The following LPGAT1 variants were observed in gnomAD, a reference collection of about 807,000 sequenced individuals.
The protein encoded by LPGAT1 is acyl-CoA:lysophosphatidylglycerol acyltransferase 1.
Under a neutral mutation model 47.5 loss-of-function variants are expected in LPGAT1, and 11 were observed. That is an observed-to-expected ratio of 0.23 (90% CI 0.15 to 0.38). The LOEUF (loss-of-function observed/expected upper bound fraction) is 0.38, where lower values mean the gene tolerates loss of function less well. Among genes scored for constraint, LPGAT1 ranks in the 10% least tolerant of loss-of-function variants. The probability of loss-of-function intolerance (pLI) is 1.00; values close to 1 mark genes in which losing one functional copy is unlikely to be tolerated. For synonymous variants in LPGAT1, 138 were observed against 144.2 expected, an observed-to-expected ratio of 0.96 and a Z score of 0.31; for missense variants, 293 against 439.0, an observed-to-expected ratio of 0.67 and a Z score of 2.97.
At chr1:211,823,759 GA>G in intron 2 of LPGAT1, among the ~76,000 whole-genome samples, 1 of 152,144 alleles carries the variant, frequency 6.6e-6, no homozygotes, top group South Asian at 2.1e-4. Flanking sequence ...GCAACAGCAA[GA>G]TCTCATCCCT....
chr1:211,816,461 T>C (rs1041398538), intron 2 of LPGAT1, among the ~76,000 whole-genome samples: 4 of 152,160 alleles, frequency 2.6e-5, no homozygotes, highest in Non-Finnish European at 5.9e-5. Flanking sequence ...AAACATAAAA[T>C]CTAATTAGTT....
intron 3 of LPGAT1, among the ~76,000 whole-genome samples, chr1:211,790,487 T>C (rs1659066222): frequency 6.6e-6 from 1 of 152,200 alleles, no homozygotes. Flanking sequence ...ACATTCCTAC[T>C]AGTGAATACA....
chr1:211,772,230 T>C (rs1658202327), intron 6 of LPGAT1, among the ~76,000 whole-genome samples: 1 of 152,244 alleles, frequency 6.6e-6, no homozygotes, highest in East Asian at 1.9e-4. Flanking sequence ...GGCTACTCAA[T>C]CATAACGTGA....
At chr1:211,811,893 G>T (rs1034157612) in intron 2 of LPGAT1, among the ~76,000 whole-genome samples, 3 of 152,208 alleles carry the variant, frequency 2.0e-5, no homozygotes, top group Non-Finnish European at 2.9e-5. Flanking sequence ...ATATCCTGGA[G>T]GATAAGAGCA....
intron 2 of LPGAT1, among the ~76,000 whole-genome samples, chr1:211,826,377 A>C (rs999893609): frequency 2.0e-5 from 3 of 152,236 alleles, no homozygotes; most frequent in African/African-American, 7.2e-5. Context: ...CATGCTTACT[A>C]TATCAGCTTT....
intron 2 of LPGAT1, among the ~76,000 whole-genome samples, chr1:211,800,238 T>C (rs1307667061): frequency 1.3e-5 from 2 of 151,162 alleles, no homozygotes; most frequent in East Asian, 1.9e-4. Context: ...GGTTTCATCA[T>C]GTTGGACAGG....
chr1:211,792,031 G>A (rs547986029), intron 3 of LPGAT1: 2 of 151,608 alleles, frequency 1.3e-5, no homozygotes, highest in Admixed American at 1.3e-4. Flanking sequence ...TAAGGCTAAA[G>A]ACTGAATTTA....
chr1:211,788,681 TA>T (rs761540044), intron 3 of LPGAT1, among the ~76,000 whole-genome samples: 399 of 139,298 alleles, frequency 2.9e-3, no homozygotes, highest in Middle Eastern at 3.7e-3. Context: ...GACTCTTTAT[TA>T]AAAAAAAAAA....
chr1:211,815,520 GCTTCT>G (rs1210892998), intron 2 of LPGAT1, among the ~76,000 whole-genome samples: 3 of 152,056 alleles, frequency 2.0e-5, no homozygotes, highest in Non-Finnish European at 2.9e-5. Flanking sequence ...ACACACACTG[GCTTCT>G]CTTGAGTCCA....
At chr1:211,814,424 G>A (rs141916642) in intron 2 of LPGAT1, among the ~76,000 whole-genome samples, 15 of 152,282 alleles carry the variant, frequency 9.9e-5, no homozygotes, top group African/African-American at 3.6e-4. Context: ...AGAAAATGAG[G>A]AGGGGTTGCA....
chr1:211,825,537 T>G (rs575164336), intron 2 of LPGAT1, among the ~76,000 whole-genome samples: 2 of 152,202 alleles, frequency 1.3e-5, no homozygotes, highest in African/African-American at 4.8e-5. Context: ...TAGATCCAAA[T>G]AAAGCATGCA....
chr1:211,786,151 T>C (rs747655874), intron 4 of LPGAT1, among the ~76,000 whole-genome samples: 2 of 152,218 alleles, frequency 1.3e-5, no homozygotes, highest in African/African-American at 2.4e-5. Context: ...TTGCCACTTC[T>C]TGTGGTTCCA....
intron 4 of LPGAT1, among the ~76,000 whole-genome samples, chr1:211,784,084 C>T (rs891238465): frequency 6.6e-6 from 1 of 152,088 alleles, no homozygotes; most frequent in Non-Finnish European, 1.5e-5. Context: ...TTGGTGGGAA[C>T]GAGTATGGCA....
chr1:211,808,331 C>A, intron 2 of LPGAT1, among the ~76,000 whole-genome samples: 1 of 129,510 alleles, frequency 7.7e-6, no homozygotes, highest in African/African-American at 2.9e-5. Flanking sequence ...GTCTGCGCAA[C>A]AAGGGCGAAA....
intron 2 of LPGAT1, among the ~76,000 whole-genome samples, chr1:211,802,664 C>T (rs543163770): frequency 3.3e-4 from 50 of 152,026 alleles, no homozygotes; most frequent in African/African-American, 1.2e-3. Context: ...CATTAGAAGA[C>T]AATTCCACAA....
chr1:211,814,979 C>T (rs1660119875), intron 2 of LPGAT1, among the ~76,000 whole-genome samples: 1 of 152,232 alleles, frequency 6.6e-6, no homozygotes, highest in Non-Finnish European at 1.5e-5. Context: ...TGTGACCCCA[C>T]ACTCTTAAGG....
At chr1:211,797,064 T>C (rs1659380142) in intron 2 of LPGAT1, among the ~76,000 whole-genome samples, 1 of 152,108 alleles carries the variant, frequency 6.6e-6, no homozygotes, top group Non-Finnish European at 1.5e-5. Flanking sequence ...GGGACCAGCC[T>C]GGCCAACATG....
In LPGAT1 at chr1:211,775,496, G is replaced by A. The variant is rs17653254; in HGVS notation, c.854+3422C>T. Among the ~76,000 whole-genome samples the A allele has an allele frequency of 8.4e-3, 1,283 of 152,074 alleles. 8 individuals are homozygous for A. Among genetic ancestry groups the A allele is most frequent in the Non-Finnish European group, 0.013 (857 of 67,978 alleles). On this transcript the variant is annotated intron_variant, in intron 6 of 7. Coordinates refer to ENST00000366997, the MANE Select transcript of LPGAT1 (RefSeq NM_014873.3). ...ACACCAAGATGTACTACATAGGAGA[G>A]GACAGTTATTGCCCTCTATGAAATC...
intron 4 of LPGAT1, among the ~76,000 whole-genome samples, chr1:211,785,408 T>C (rs1178797888): frequency 6.6e-6 from 1 of 152,128 alleles, no homozygotes; most frequent in Non-Finnish European, 1.5e-5. Flanking sequence ...TTCCTTCCCC[T>C]CATGTTATAG....
Sources: allele counts gnomAD v4.1 joint callset (sites outside exome capture counted in the v4.1 genomes callset), GRCh38; gene constraint gnomAD v4.1.1; transcripts MANE v1.5; gene names NCBI Gene and HGNC (gene_info 2026-07-23, HGNC 2026-07-21).